Variants in SLC35F1 observed in about 807,000 individuals in gnomAD.
The protein encoded by SLC35F1 is solute carrier family 35 member F1, also known as chromosome 6 open reading frame 169.
A neutral mutation model predicts 48.7 loss-of-function variants in SLC35F1; 14 were observed. The observed-to-expected ratio is 0.29, with a 90% confidence interval of 0.19 to 0.45. The LOEUF is 0.45. Among genes scored for constraint, SLC35F1 ranks in the 20% least tolerant of loss-of-function variants. The probability of loss-of-function intolerance (pLI) is 1.00; values close to 1 mark genes in which losing one functional copy is unlikely to be tolerated. For missense variants in SLC35F1, 404 were observed against 500.0 expected (o/e 0.81, Z 1.83); for synonymous variants, 190 against 202.2 (o/e 0.94, Z 0.51).
rs918534337 is a variant in SLC35F1 at position 117,918,901 on chromosome 6, A to T, written c.173+11002A>T. On this transcript the variant is annotated intron_variant, in intron 1 of 7. Coordinates refer to ENST00000360388, the MANE Select transcript of SLC35F1 (RefSeq NM_001029858.4). ...AGGGAATTAAGATAATTTTAAAATA[A>T]TTTTTTTTTTAAGAGACAAAGTTTC... Among the ~76,000 whole-genome samples, 15 of 149,986 alleles carry T rather than the reference A, an allele frequency of 1.0e-4. No homozygotes were observed. In the East Asian group the frequency reaches 2.3e-3, roughly 23 times the overall value.
intron 2 of SLC35F1, among the ~76,000 whole-genome samples, chr6:118,170,177 A>G (rs1774380689): frequency 6.6e-6 from 1 of 152,228 alleles, no homozygotes; most frequent in Admixed American, 6.5e-5. Context: ...AACCCCATTC[A>G]TCTCTTACTA....
chr6:118,040,894 A>G (rs1772207519), intron 1 of SLC35F1, among the ~76,000 whole-genome samples: 1 of 137,446 alleles, frequency 7.3e-6, no homozygotes, highest in South Asian at 2.7e-4. Flanking sequence ...TGTATAAAAG[A>G]GGGAACCCAA....
rs559510858 is a variant in SLC35F1, at chr6:118,308,099, T to C, written c.1003-5929T>C. Among the ~76,000 whole-genome samples, 5 of 152,362 alleles carry C rather than the reference T, an allele frequency of 3.3e-5. No individual in the cohort carries two copies. The East Asian group carries it at 9.6e-4, about 29-fold the overall frequency. ...TATTCTTCACTATAGCAGCATTACA[T>C]TGAATGAATGATTTACTCTTAATTC... On this transcript the variant is annotated intron_variant, in intron 7 of 7. Transcript: ENST00000360388.
At chr6:118,091,608 G>A (rs1582661243) in intron 1 of SLC35F1, among the ~76,000 whole-genome samples, 2 of 152,224 alleles carry the variant, frequency 1.3e-5, no homozygotes, top group East Asian at 1.9e-4. Context: ...TATTAGCAGT[G>A]TAAGAATGAG....
intron 1 of SLC35F1, among the ~76,000 whole-genome samples, chr6:117,924,456 ATGTGTG>A (rs1298033542): frequency 2.0e-5 from 3 of 151,310 alleles, no homozygotes; most frequent in African/African-American, 7.3e-5. Context: ...ACATACCTAT[ATGTGTG>A]TACATATATA....
intron 7 of SLC35F1, among the ~76,000 whole-genome samples, chr6:118,300,277 G>A (rs1354536963): frequency 4.6e-5 from 7 of 152,096 alleles, no homozygotes; most frequent in African/African-American, 1.4e-4. Context: ...ATCTAGAGCC[G>A]ATTTAAAGTA....
At chr6:117,969,343 A>G (rs1354210650) in intron 1 of SLC35F1, among the ~76,000 whole-genome samples, 1 of 152,226 alleles carries the variant, frequency 6.6e-6, no homozygotes, top group Non-Finnish European at 1.5e-5. Flanking sequence ...ATCTTATTCA[A>G]TTTCCAGTCA....
In SLC35F1 at chr6:118,277,423, G is replaced by GA. The variant is rs1188278298; in HGVS notation, c.795-65dup. On this transcript the variant is annotated intron_variant, in intron 5 of 7. Transcript: ENST00000360388. ...TTGTATACATCTGATAAGTGGGGGG[G>GA]AAAAAAGAAAGAAAGAAAGTAGAGT... The GA allele has an allele frequency of 2.8e-5, 39 of 1,368,872 alleles. No homozygotes were observed. In the South Asian group the frequency reaches 3.6e-4, roughly 13 times the overall value. The allele number at this position is 1,368,872 out of a possible 1,614,324, so 84.8% of individuals were successfully genotyped here.
chr6:117,933,139 A>G (rs780117641), intron 1 of SLC35F1, among the ~76,000 whole-genome samples: 16 of 152,176 alleles, frequency 1.1e-4, no homozygotes, highest in Non-Finnish European at 1.6e-4. Context: ...ATTTATTACT[A>G]CTGAATTGAT....
chr6:118,138,710 C>CT (rs11334484), intron 1 of SLC35F1, among the ~76,000 whole-genome samples: 3 of 151,136 alleles, frequency 2.0e-5, no homozygotes, highest in Non-Finnish European at 2.9e-5. Context: ...ATTTTATTTG[C>CT]TTTTTTTTTT....
chr6:118,236,495 A>C (rs987732462), intron 3 of SLC35F1, among the ~76,000 whole-genome samples: 1 of 152,244 alleles, frequency 6.6e-6, no homozygotes, highest in African/African-American at 2.4e-5. Flanking sequence ...TTGCTTACGA[A>C]CAATAATGAC....
intron 1 of SLC35F1, among the ~76,000 whole-genome samples, chr6:118,008,280 G>A (rs200079464): frequency 6.7e-6 from 1 of 149,968 alleles, no homozygotes; most frequent in African/African-American, 2.5e-5. Context: ...CAGCAAAAAA[G>A]AAAAAAAAAA....
intron 1 of SLC35F1, among the ~76,000 whole-genome samples, chr6:118,000,524 T>G (rs1194973619): frequency 6.6e-6 from 1 of 152,156 alleles, no homozygotes; most frequent in African/African-American, 2.4e-5. Flanking sequence ...AAGCATTCCC[T>G]TTGAAAACTG....
chr6:118,095,992 C>G (rs537315483), intron 1 of SLC35F1, among the ~76,000 whole-genome samples: 1 of 152,206 alleles, frequency 6.6e-6, no homozygotes, highest in Non-Finnish European at 1.5e-5. Context: ...TCTACTTTGA[C>G]AGAAGTAAGC....
intron 2 of SLC35F1, among the ~76,000 whole-genome samples, chr6:118,175,618 C>T (rs1774476474): frequency 6.6e-6 from 1 of 152,126 alleles, no homozygotes; most frequent in Non-Finnish European, 1.5e-5. Context: ...AGATGTTTTC[C>T]ACCTTAGTTT....
At chr6:117,928,599 T>G (rs1249175206) in intron 1 of SLC35F1, among the ~76,000 whole-genome samples, 3 of 152,158 alleles carry the variant, frequency 2.0e-5, no homozygotes, top group Admixed American at 6.5e-5. Flanking sequence ...TTCTAATCAT[T>G]AATTAGATGT....
intron 2 of SLC35F1, among the ~76,000 whole-genome samples, chr6:118,223,606 A>C (rs1775179353): frequency 6.6e-6 from 1 of 152,194 alleles, no homozygotes; most frequent in South Asian, 2.1e-4. Context: ...TGGAAAATAA[A>C]TGTCAGGTAA....
At chr6:117,916,713 G>C (rs1347250435) in intron 1 of SLC35F1, among the ~76,000 whole-genome samples, 1 of 152,228 alleles carries the variant, frequency 6.6e-6, no homozygotes, top group Non-Finnish European at 1.5e-5. Flanking sequence ...TGGGGAGTAA[G>C]ACTTTTCAGA....
intron 1 of SLC35F1, among the ~76,000 whole-genome samples, chr6:118,141,201 C>T (rs200676807): frequency 1.3e-5 from 2 of 152,076 alleles, no homozygotes; most frequent in East Asian, 1.9e-4. Context: ...ACAGGTGTAC[C>T]ATTTTTCTGT....
Sources: allele counts gnomAD v4.1 joint callset (sites outside exome capture counted in the v4.1 genomes callset), GRCh38; gene constraint gnomAD v4.1.1; transcripts MANE v1.5; gene names NCBI Gene and HGNC (gene_info 2026-07-23, HGNC 2026-07-21).